The following CSPG4 variants were observed in gnomAD, a reference collection of about 807,000 sequenced individuals.
The protein encoded by CSPG4 is chondroitin sulfate proteoglycan 4 (melanoma-associated).
CSPG4 carries 74 observed loss-of-function variants against 139.3 expected under a neutral mutation model. The observed-to-expected ratio is 0.53, with a 90% CI of 0.44 to 0.64. CSPG4 has a LOEUF of 0.64. CSPG4 is among the 30% of genes least tolerant of loss of function. The pLI is 0.00. For missense variants in CSPG4, 2,565 were observed against 3,148.3 expected (o/e 0.81, Z 4.43); for synonymous variants, 1,234 against 1,394.2 (o/e 0.89, Z 2.56).
Position 75,696,147 on chromosome 15 carries a change from G to A in CSPG4, c.89-2914C>T, listed in dbSNP as rs1170985015. Among the ~76,000 whole-genome samples the A allele has an allele frequency of 6.6e-6, 1 of 152,194 alleles. No homozygotes were observed. The highest frequency in any genetic ancestry group is 1.5e-5 in the Non-Finnish European group (1 of 68,030). ...GAAGGGGCCCACTTCAGGCCTCAGT[G>A]TCACCATTCTGTAAAATGGGCACAG... On this transcript the variant is annotated intron_variant, in intron 1 of 9. Transcript: ENST00000308508. This position sits in a 1 kb window ranked among gnomAD's most constrained non-coding sequence, Gnocchi z 4.2.
At chr15:75,699,703 G>A (rs1016951488) in intron 1 of CSPG4, among the ~76,000 whole-genome samples, 7 of 152,206 alleles carry the variant, frequency 4.6e-5, no homozygotes, top group African/African-American at 1.4e-4. Context: ...CCACCCAGGC[G>A]GGAGGGCTGG....
chr15:75,710,848 G>A (rs1349103762), intron 1 of CSPG4, among the ~76,000 whole-genome samples: 1 of 151,800 alleles, frequency 6.6e-6, no homozygotes, highest in Non-Finnish European at 1.5e-5. Flanking sequence ...CCTCATTTCC[G>A]AGTCCTCCTA....
chr15:75,695,700 G>C (rs551567088), intron 1 of CSPG4, among the ~76,000 whole-genome samples: 40 of 152,256 alleles, frequency 2.6e-4, no homozygotes, highest in African/African-American at 8.9e-4. Context: ...AAATGGAGAG[G>C]GTGTGCAGAA....
In CSPG4 at chr15:75,684,889, G is replaced by A. The variant is rs769458100; in HGVS notation, c.4296C>T (p.Tyr1432=). 13 of 1,610,590 alleles carry A rather than the reference G, an allele frequency of 8.1e-6. No homozygotes were observed. The highest frequency in any genetic ancestry group is 3.3e-5 in the Admixed American group (2 of 59,984). Residue 1432 remains tyrosine (Y), a synonymous_variant, in exon 5 of 10, where the codon TAC becomes TAT. Transcript: ENST00000308508. ...WRMVEEQLIR[Y]VHDGSETLTD... ...TCAGTGTCTCGCTCCCGTCATGCAC[G>A]TAGCGGATCAGCTGCTCTTCCACCT... is the stretch of plus-strand genomic sequence containing the variant.
chr15:75,683,146 C>A, intron 5 of CSPG4, 105 bp from the exon 6 acceptor site: 2 of 1,161,298 alleles, frequency 1.7e-6, no homozygotes. Context: ...CGGCTCAGCC[C>A]CTCGGGTGGC....
At chr15:75,677,475 C>A in intron 9 of CSPG4, 91 bp from the exon 10 acceptor site, 1 of 1,338,044 alleles carries the variant, frequency 7.5e-7, no homozygotes, top group Non-Finnish European at 9.8e-7. Flanking sequence ...AAGGATGTGC[C>A]TCCCCCCAAC....
Position 75,688,174 on chromosome 15 carries a change from T to C in CSPG4, c.2891A>G (p.Asp964Gly). The C allele has an allele frequency of 1.2e-6, 2 of 1,612,776 alleles. No homozygotes were observed. Among genetic ancestry groups the C allele is most frequent in the Non-Finnish European group, 1.7e-6 (2 of 1,179,830 alleles). Residue 964 changes from aspartate to glycine, a missense_variant, in exon 3 of 10, where the codon GAC (aspartate) becomes GGC (glycine). Around this residue, in one of 5 missense-constraint regions of CSPG4, gnomAD observed 2,316 missense variants for 2,818.2 expected, o/e 0.82. Transcript: ENST00000308508. ...TTMVTSFTNE[D>G]LLRGRLVYQH... ...GTAGACCAGCCGGCCACGCAACAGG[T>C]CTTCATTGGTGAAGGATGTCACCAT...
intron 1 of CSPG4, among the ~76,000 whole-genome samples, chr15:75,707,557 C>A (rs1432735573): frequency 6.6e-6 from 1 of 152,186 alleles, no homozygotes; most frequent in East Asian, 1.9e-4. Context: ...CAGGAGAGGC[C>A]ACACAGCCCC....
intron 9 of CSPG4, 83 bp downstream of exon 9, chr15:75,677,620 C>T: frequency 4.8e-6 from 7 of 1,449,372 alleles, no homozygotes; most frequent in Non-Finnish European, 6.5e-6. Context: ...ACAGGAGCTG[C>T]TGACCCTGGC....
intron 1 of CSPG4, among the ~76,000 whole-genome samples, chr15:75,704,657 T>C (rs1412272735): frequency 6.6e-6 from 1 of 151,926 alleles, no homozygotes; most frequent in African/African-American, 2.4e-5. Flanking sequence ...TTGTCCGGGG[T>C]CCCTCCAGTG....
At chr15:75,710,061 G>C (rs1596015282) in intron 1 of CSPG4, among the ~76,000 whole-genome samples, 1 of 151,914 alleles carries the variant, frequency 6.6e-6, no homozygotes, top group South Asian at 2.1e-4. Flanking sequence ...GATCTACCCT[G>C]CTTCAATTTC....
intron 1 of CSPG4, among the ~76,000 whole-genome samples, chr15:75,694,847 T>A (rs1894206628): frequency 6.6e-6 from 1 of 152,204 alleles, no homozygotes; most frequent in Admixed American, 6.5e-5. Context: ...GAACTGCAGG[T>A]GGCGGCCACC....
chr15:75,683,398 C>G (rs867654909), intron 5 of CSPG4, among the ~76,000 whole-genome samples: 1 of 138,228 alleles, frequency 7.2e-6, no homozygotes, highest in Non-Finnish European at 1.6e-5. Context: ...ACAGTGCTCC[C>G]TAATCTGTCT....
chr15:75,710,119 G>A (rs928656453), intron 1 of CSPG4, among the ~76,000 whole-genome samples: 14 of 152,082 alleles, frequency 9.2e-5, no homozygotes, highest in African/African-American at 3.4e-4. Context: ...ACCCCCATCA[G>A]TTCTGAGTCC....
chr15:75,678,283 T>C (rs751217411), intron 8 of CSPG4, among the ~76,000 whole-genome samples: 26 of 152,230 alleles, frequency 1.7e-4, no homozygotes, highest in Admixed American at 2.0e-4. Context: ...TCCCCCCAGA[T>C]GCATCATTCC....
intron 1 of CSPG4, among the ~76,000 whole-genome samples, chr15:75,708,377 T>C (rs925788754): frequency 1.6e-5 from 2 of 128,458 alleles, no homozygotes; most frequent in Non-Finnish European, 3.3e-5. Flanking sequence ...TCACCCTACA[T>C]CAGAGACAAA....
chr15:75,677,640 C>T, intron 9 of CSPG4, 63 bp downstream of exon 9: 3 of 1,506,586 alleles, frequency 2.0e-6, no homozygotes, highest in South Asian at 1.3e-5. Flanking sequence ...CCTCGTGTCC[C>T]CTCCTCCTGG....
intron 1 of CSPG4, among the ~76,000 whole-genome samples, chr15:75,701,885 A>G (rs904238082): frequency 2.4e-4 from 37 of 151,840 alleles, no homozygotes; most frequent in African/African-American, 6.3e-4. Flanking sequence ...TGAGGGTCGC[A>G]CTGAACTCTC....
intron 9 of CSPG4, 98 bp from the exon 10 acceptor site, chr15:75,677,482 C>G (rs1893910990): frequency 7.6e-7 from 1 of 1,320,594 alleles, no homozygotes; most frequent in Non-Finnish European, 1.0e-6. Flanking sequence ...TGCCTCCCCC[C>G]AACCATCAAG....
Sources: gnomAD v4.1 joint callset for allele counts (sites outside exome capture counted in the v4.1 genomes callset) on GRCh38, gnomAD v4.1.1 for gene constraint, gnomAD v4.1.1 regional missense constraint, Gnocchi (gnomAD v3.1) non-coding constraint, MANE v1.5 for transcripts, NCBI Gene and HGNC (gene_info 2026-07-23, HGNC 2026-07-21) for gene names.